Variants in MROH9 observed in about 807,000 individuals in gnomAD.
MROH9 encodes maestro heat-like repeat-containing protein family member 9.
In MROH9, 92 loss-of-function variants were observed where a neutral mutation model predicts 98.2. That is an observed-to-expected ratio of 0.94 (90% confidence interval 0.79 to 1.11). MROH9 has a LOEUF of 1.11. Among genes scored for constraint, MROH9 ranks in the 50% most tolerant of loss-of-function variants. The pLI, the probability that MROH9 is intolerant of heterozygous loss-of-function variation, is 0.00. For missense variants in MROH9, 1,057 were observed against 1,014.8 expected (o/e 1.04, Z -0.57); for synonymous variants, 397 against 368.9 (o/e 1.08, Z -0.87).
chr1:170,969,334 AT>A (rs1180462002), intron 7 of MROH9, among the ~76,000 whole-genome samples: 3 of 152,200 alleles, frequency 2.0e-5, no homozygotes, highest in African/African-American at 7.2e-5. Flanking sequence ...AAAAGGCTAC[AT>A]TTTGTATGAT....
At chr1:171,042,635 C>A (rs1279973863) in intron 20 of MROH9, among the ~76,000 whole-genome samples, 1 of 152,110 alleles carries the variant, frequency 6.6e-6, no homozygotes, top group East Asian at 1.9e-4. Context: ...TTAACCACAT[C>A]CTCACCAGCA....
intron 20 of MROH9, among the ~76,000 whole-genome samples, chr1:171,040,853 G>A (rs1004366010): frequency 6.6e-6 from 1 of 151,924 alleles, no homozygotes; most frequent in East Asian, 1.9e-4. Flanking sequence ...ACATAGAATG[G>A]CATGTATCAA....
At chr1:170,987,933 T>C (rs1257679732) in intron 10 of MROH9, among the ~76,000 whole-genome samples, 1 of 152,214 alleles carries the variant, frequency 6.6e-6, no homozygotes, top group South Asian at 2.1e-4. Flanking sequence ...ACAGTTTCAA[T>C]AAGATGCTTA....
chr1:171,063,010 C>G (rs188164717), intron 21 of MROH9, among the ~76,000 whole-genome samples: 3 of 152,214 alleles, frequency 2.0e-5, no homozygotes. Flanking sequence ...TTCATTCACT[C>G]ACTCATTCAT....
chr1:171,016,428 C>A, intron 17 of MROH9, 92 bp downstream of exon 17: 2 of 961,908 alleles, frequency 2.1e-6, no homozygotes, highest in Non-Finnish European at 2.8e-6. Flanking sequence ...ACAGAATAAG[C>A]CAATAGGAGA....
At chr1:171,037,551 C>A (rs919048273) in intron 20 of MROH9, among the ~76,000 whole-genome samples, 4 of 151,688 alleles carry the variant, frequency 2.6e-5, no homozygotes, top group African/African-American at 4.8e-5. Flanking sequence ...TGAATCTATG[C>A]ATGGAATGAA....
chr1:170,971,317 A>G (rs899172443), intron 7 of MROH9, among the ~76,000 whole-genome samples: 2 of 152,180 alleles, frequency 1.3e-5, no homozygotes, highest in Admixed American at 6.5e-5. Context: ...CTCCTCAGTG[A>G]CTTGTAGAAA....
intron 3 of MROH9, among the ~76,000 whole-genome samples, chr1:170,949,559 T>A (rs2101876199): frequency 6.6e-6 from 1 of 152,008 alleles, no homozygotes; most frequent in South Asian, 2.1e-4. Flanking sequence ...GACATCTGAG[T>A]TGAAGTGTAC....
chr1:171,061,554 C>T (rs1377530205), intron 20 of MROH9, among the ~76,000 whole-genome samples: 1 of 152,190 alleles, frequency 6.6e-6, no homozygotes, highest in East Asian at 1.9e-4. Flanking sequence ...GTTAAAGGCC[C>T]AATAGTAAAT....
At chr1:171,019,841 GA>G (rs1652454652) in intron 17 of MROH9, among the ~76,000 whole-genome samples, 2 of 151,816 alleles carry the variant, frequency 1.3e-5, no homozygotes, top group African/African-American at 4.8e-5. Flanking sequence ...CTGGTTTGCT[GA>G]AAAAATTAAC....
chr1:170,961,100 G>C (rs1356049551), intron 5 of MROH9, among the ~76,000 whole-genome samples: 1 of 152,110 alleles, frequency 6.6e-6, no homozygotes, highest in Non-Finnish European at 1.5e-5. Flanking sequence ...AGCAATTACT[G>C]TCTACTTCCA....
At chr1:171,002,438 A>T (rs1408546107) in intron 15 of MROH9, among the ~76,000 whole-genome samples, 3 of 152,086 alleles carry the variant, frequency 2.0e-5, no homozygotes, top group African/African-American at 7.2e-5. Flanking sequence ...CAGTTCTTGT[A>T]GTGGTAGCTT....
chr1:170,978,236 A>G (rs565521143), intron 8 of MROH9, among the ~76,000 whole-genome samples: 35 of 152,146 alleles, frequency 2.3e-4, no homozygotes, highest in Admixed American at 2.0e-3. Context: ...CCAGGTGGAA[A>G]GATTGGTCTC....
intron 7 of MROH9, among the ~76,000 whole-genome samples, chr1:170,965,859 A>G (rs1003131208): frequency 6.6e-6 from 1 of 152,070 alleles, no homozygotes; most frequent in Non-Finnish European, 1.5e-5. Context: ...TGGTTCTACA[A>G]TTTGCTTTTT....
At position 170,990,311 on chromosome 1, in the gene MROH9, T is replaced by C. The variant is rs1333725113; in HGVS notation, c.1028+308T>C. Among the ~76,000 whole-genome samples, 3 of 152,340 alleles carry C rather than the reference T, an allele frequency of 2.0e-5. 1 individual carries two copies. Among genetic ancestry groups the C allele is most frequent in the Middle Eastern group, 3.4e-3 (1 of 294 alleles). On this transcript the variant is annotated intron_variant, in intron 11 of 21. Coordinates refer to ENST00000367759, the MANE Select transcript of MROH9 (RefSeq NM_001163629.2). ...CCCAGAGGAACAAACCTCTCCTCAA[T>C]GTGATAATGGATTTTTATTCCCGTT... is the stretch of plus-strand genomic sequence containing the variant.
chr1:170,979,287 C>CAGAA (rs1235053664), intron 8 of MROH9, among the ~76,000 whole-genome samples: 1 of 152,120 alleles, frequency 6.6e-6, no homozygotes, highest in Admixed American at 6.5e-5. Flanking sequence ...CCTGAAACAT[C>CAGAA]AGAAACAAGG....
chr1:171,063,252 A>ATTTTT (rs11385110), intron 21 of MROH9, among the ~76,000 whole-genome samples: 2 of 124,970 alleles, frequency 1.6e-5, no homozygotes, highest in East Asian at 2.3e-4. Flanking sequence ...ATTATCCCGG[A>ATTTTT]TTTTTTTTTT....
chr1:170,984,214 C>A (rs1413732182), intron 9 of MROH9, among the ~76,000 whole-genome samples: 1 of 152,176 alleles, frequency 6.6e-6, no homozygotes, highest in Non-Finnish European at 1.5e-5. Context: ...CTGAGGAAAC[C>A]CGTTAGGCTA....
In MROH9 at chr1:171,064,421, G is replaced by A; in HGVS notation, c.*81G>A. On this transcript the variant is annotated 3_prime_UTR_variant, in exon 22 of 22. Transcript: ENST00000367759. ...TTGGAGCTGACCTTAGAAGAAGAAT[G>A]ATTTTTCTTTCCCTCCTGACAACTT... is the stretch of plus-strand genomic sequence containing the variant. 2 of 1,358,138 alleles carry A rather than the reference G, an allele frequency of 1.5e-6. No homozygotes were observed. Among genetic ancestry groups the A allele is most frequent in the Non-Finnish European group, 1.9e-6 (2 of 1,031,644 alleles). 84.1% of individuals were successfully genotyped at this position (1,358,138 alleles called of 1,614,324 possible).
Sources: gnomAD v4.1 joint callset for allele counts (sites outside exome capture counted in the v4.1 genomes callset) on GRCh38, gnomAD v4.1.1 for gene constraint, MANE v1.5 for transcripts, NCBI Gene and HGNC (gene_info 2026-07-23, HGNC 2026-07-21) for gene names.